Variants in PDZRN3 observed in about 807,000 individuals in gnomAD.
The protein encoded by PDZRN3 is E3 ubiquitin-protein ligase PDZRN3.
A neutral mutation model predicts 85.7 loss-of-function variants in PDZRN3; 38 were observed. The observed-to-expected ratio is 0.44, with a 90% CI of 0.34 to 0.58. The LOEUF is 0.58. Ranked by LOEUF, PDZRN3 falls within the 20% of genes least tolerant of loss-of-function variation. The pLI, the probability that PDZRN3 is intolerant of heterozygous loss-of-function variation, is 0.01. For synonymous variants in PDZRN3, 759 were observed against 638.0 expected, an observed-to-expected ratio of 1.19 and a Z score of -2.86; for missense variants, 1,629 against 1,506.4, an observed-to-expected ratio of 1.08 and a Z score of -1.35.
intron 1 of PDZRN3, among the ~76,000 whole-genome samples, chr3:73,622,921 G>C (rs1274197419): frequency 6.6e-6 from 1 of 152,158 alleles, no homozygotes; most frequent in African/African-American, 2.4e-5. Flanking sequence ...ACGTGGGCTG[G>C]AAAGATGGGC....
intron 5 of PDZRN3, among the ~76,000 whole-genome samples, 184 bp downstream of exon 5, chr3:73,400,738 G>A (rs182219241): frequency 7.9e-5 from 12 of 152,312 alleles, no homozygotes; most frequent in Admixed American, 7.8e-4. Context: ...TGATTATTAA[G>A]CTCTGTTTCC....
At position 73,624,654 on chromosome 3, in the gene PDZRN3, C is replaced by A. The variant is rs1001862902; in HGVS notation, c.172G>T (p.Gly58Cys). ...QEGSCPARCR[G>C]RLSAKELNHV... Reference sequence around the variant, plus strand: ...TTGAGCTCTTTGGCCGACAGGCGACCGCGGCAGCGCGCCGGGCAGCTGCCC... The same window carrying A: ...TTGAGCTCTTTGGCCGACAGGCGACAGCGGCAGCGCGCCGGGCAGCTGCCC... Residue 58 changes from glycine (G) to cysteine (C), a missense_variant, in exon 1 of 10, where the codon GGT becomes TGT. By Grantham distance (159) the Gly-to-Cys change is radical (BLOSUM62 -3). Transcript: ENST00000263666. 6.5e-7 allele frequency: 1 copy of A among 1,529,780 alleles called. No homozygotes were observed. The highest frequency in any genetic ancestry group is 8.7e-7 in the Non-Finnish European group (1 of 1,142,882). The allele number at this position is 1,529,780 out of a possible 1,614,324, so 94.8% of individuals were successfully genotyped here.
intron 3 of PDZRN3, among the ~76,000 whole-genome samples, chr3:73,586,215 T>G (rs1187790718): frequency 6.6e-6 from 1 of 152,226 alleles, no homozygotes; most frequent in East Asian, 1.9e-4. Flanking sequence ...AGGAACTCTT[T>G]ACTCCTAAAT....
chr3:73,390,635 AT>A (rs1363112107), intron 6 of PDZRN3, among the ~76,000 whole-genome samples: 2 of 139,378 alleles, frequency 1.4e-5, no homozygotes, highest in African/African-American at 5.5e-5. Context: ...AGAAAAAAAA[AT>A]GTGTGTGTGT....
intron 3 of PDZRN3, among the ~76,000 whole-genome samples, chr3:73,554,237 A>G (rs1701634444): frequency 6.6e-6 from 1 of 152,168 alleles, no homozygotes; most frequent in African/African-American, 2.4e-5. Context: ...TCCAGTATGC[A>G]GCTTACGAGG....
chr3:73,608,835 A>G, intron 1 of PDZRN3, 151 bp from the exon 2 acceptor site: 2 of 610,922 alleles, frequency 3.3e-6, no homozygotes, highest in Admixed American at 3.0e-5. Context: ...AAACTTCTGG[A>G]ACCCAATCTG....
In PDZRN3 at chr3:73,404,370, G is replaced by C. The variant is rs2106728978; in HGVS notation, c.944C>G (p.Ala315Gly). ...IEVNGRDLSR[A>G]THDQAVEAFK... Reference sequence around the variant, plus strand: ...AGCTTCCACAGCCTGGTCATGAGTTGCTCTGGATAAGTCTCTGCCGTTGAC... The same window carrying C: ...AGCTTCCACAGCCTGGTCATGAGTTCCTCTGGATAAGTCTCTGCCGTTGAC... The change falls in exon 4 of 10, where the codon GCA becomes GGA. Residue 315 changes from alanine (A) to glycine (G), a missense_variant. Transcript: ENST00000263666. 1 of 1,614,120 alleles carries C rather than the reference G, an allele frequency of 6.2e-7. No homozygotes were observed. The highest frequency in any genetic ancestry group is 1.1e-5 in the South Asian group (1 of 91,078).
chr3:73,509,822 C>A (rs191407305), intron 3 of PDZRN3, among the ~76,000 whole-genome samples: 26 of 152,302 alleles, frequency 1.7e-4, no homozygotes, highest in Admixed American at 8.5e-4. Flanking sequence ...TGAATCCTGG[C>A]ACGGGCGGGC....
intron 3 of PDZRN3, among the ~76,000 whole-genome samples, chr3:73,573,975 A>G (rs1051159532): frequency 3.3e-5 from 5 of 152,206 alleles, no homozygotes; most frequent in Admixed American, 3.3e-4. Flanking sequence ...TTGCCTTGCC[A>G]TATATGCAAA....
At chr3:73,534,219 G>T (rs1411223400) in intron 3 of PDZRN3, among the ~76,000 whole-genome samples, 2 of 152,116 alleles carry the variant, frequency 1.3e-5, no homozygotes, top group Non-Finnish European at 2.9e-5. Context: ...GCTTGTCTCA[G>T]TCTTTTCCTC....
intron 4 of PDZRN3, 44 bp from the exon 5 acceptor site, chr3:73,401,053 A>T: frequency 7.0e-7 from 1 of 1,423,870 alleles, no homozygotes; most frequent in Non-Finnish European, 9.9e-7. Context: ...TTCCGTTGTC[A>T]GTATCTGTTT....
chr3:73,577,025 T>C (rs891782781), intron 3 of PDZRN3, among the ~76,000 whole-genome samples: 10 of 152,210 alleles, frequency 6.6e-5, no homozygotes, highest in African/African-American at 2.4e-4. Flanking sequence ...ATGTGATGTT[T>C]TGGGACATGA....
intron 3 of PDZRN3, among the ~76,000 whole-genome samples, chr3:73,544,178 A>G (rs1701361043): frequency 6.6e-6 from 1 of 152,202 alleles, no homozygotes. Flanking sequence ...GCACCACTGC[A>G]CTCCAGCCTA....
chr3:73,412,290 T>C (rs1308222538), intron 3 of PDZRN3, among the ~76,000 whole-genome samples: 3 of 152,186 alleles, frequency 2.0e-5, no homozygotes, highest in Non-Finnish European at 2.9e-5. Flanking sequence ...CATATTGGTC[T>C]CATAAATACC....
chr3:73,615,519 C>T (rs1017774890), intron 1 of PDZRN3, among the ~76,000 whole-genome samples: 15 of 152,004 alleles, frequency 9.9e-5, no homozygotes, highest in Non-Finnish European at 1.9e-4. Context: ...GCCTTTGGGA[C>T]GTGATTAGGG....
intron 3 of PDZRN3, among the ~76,000 whole-genome samples, chr3:73,467,644 G>A (rs1455549324): frequency 6.6e-6 from 1 of 152,164 alleles, no homozygotes; most frequent in Non-Finnish European, 1.5e-5. Context: ...GCTAATATTT[G>A]CTAATCTCAG....
intron 1 of PDZRN3, among the ~76,000 whole-genome samples, chr3:73,616,481 A>G (rs1055178940): frequency 1.3e-5 from 2 of 152,158 alleles, no homozygotes; most frequent in South Asian, 4.1e-4. Context: ...TTAGCCCTCC[A>G]CCTTTACATC....
rs1337702342 is a variant in PDZRN3 at position 73,427,524 on chromosome 3, C to A, written c.919-23129G>T. Among the ~76,000 whole-genome samples, 6 of 151,370 alleles carry A rather than the reference C, an allele frequency of 4.0e-5. No individual in the cohort carries two copies. The East Asian group carries it at 1.2e-3, about 30-fold the overall frequency. On this transcript the variant is annotated intron_variant, in intron 3 of 9. Transcript: ENST00000263666. ...CTCATTTATTAAAGCTGGATTTTTT[C>A]ACTATTCCATATGTTTCCTTCTGCA...
At chr3:73,439,322 A>G (rs1702588598) in intron 3 of PDZRN3, among the ~76,000 whole-genome samples, 1 of 152,252 alleles carries the variant, frequency 6.6e-6, no homozygotes, top group African/African-American at 2.4e-5. Context: ...ACATGAACAA[A>G]GAAGTTGGCT....
Sources: allele counts gnomAD v4.1 joint callset (sites outside exome capture counted in the v4.1 genomes callset), GRCh38; gene constraint gnomAD v4.1.1; transcripts MANE v1.5; gene names NCBI Gene and HGNC (gene_info 2026-07-23, HGNC 2026-07-21).